Variants in MSRA observed in about 807,000 individuals in gnomAD.
MSRA encodes mitochondrial peptide methionine sulfoxide reductase.
In MSRA, 54 loss-of-function variants were observed where a neutral mutation model predicts 31.3. The observed-to-expected ratio is 1.73, with a 90% confidence interval of 1.39 to 2.17. MSRA has a LOEUF of 2.17. MSRA is among the 30% of genes most tolerant of loss of function. The probability of loss-of-function intolerance (pLI) is 0.00; values close to 1 mark genes in which losing one functional copy is unlikely to be tolerated. For synonymous variants in MSRA, 169 were observed against 116.5 expected, an observed-to-expected ratio of 1.45 and a Z score of -2.90; for missense variants, 507 against 300.9, an observed-to-expected ratio of 1.69 and a Z score of -5.07.
intron 1 of MSRA, among the ~76,000 whole-genome samples, chr8:10,174,913 G>C (rs1563182676): frequency 6.6e-6 from 1 of 152,110 alleles, no homozygotes. Context: ...CCCCAGACAG[G>C]CTGCCTTCAG....
intron 4 of MSRA, among the ~76,000 whole-genome samples, chr8:10,314,963 G>T (rs1400989074): frequency 1.3e-5 from 2 of 152,152 alleles, no homozygotes; most frequent in Non-Finnish European, 2.9e-5. Context: ...AGAAAAAGAG[G>T]TGTAATGGAC....
intron 5 of MSRA, among the ~76,000 whole-genome samples, chr8:10,398,682 CCTT>C (rs905912589): frequency 1.1e-4 from 17 of 152,244 alleles, no homozygotes; most frequent in Non-Finnish European, 4.4e-5. Flanking sequence ...TTTCCGCTCT[CCTT>C]CTTCTGGAAG....
intron 5 of MSRA, among the ~76,000 whole-genome samples, chr8:10,388,433 G>C (rs530192456): frequency 6.6e-6 from 1 of 152,202 alleles, no homozygotes; most frequent in Non-Finnish European, 1.5e-5. Context: ...TGTTTTCAGA[G>C]CTTCTCCTGT....
chr8:10,062,141 C>T (rs913829567), intron 1 of MSRA, among the ~76,000 whole-genome samples: 16 of 152,190 alleles, frequency 1.1e-4, no homozygotes, highest in Non-Finnish European at 2.4e-4. Flanking sequence ...AGCCTCTTTG[C>T]TAAGCTTGGT....
intron 3 of MSRA, among the ~76,000 whole-genome samples, chr8:10,277,297 C>G (rs1799373022): frequency 6.6e-6 from 1 of 152,100 alleles, no homozygotes; most frequent in Non-Finnish European, 1.5e-5. Context: ...TCTGATCTTC[C>G]TTCTTTATTA....
intron 5 of MSRA, among the ~76,000 whole-genome samples, chr8:10,334,437 C>CG (rs1197321733): frequency 8.0e-5 from 12 of 150,880 alleles, no homozygotes; most frequent in South Asian, 4.3e-4. Flanking sequence ...CTACCGGGGG[C>CG]GGGGGGGAGG....
intron 4 of MSRA, among the ~76,000 whole-genome samples, 181 bp downstream of exon 4, chr8:10,301,819 C>G (rs1274572687): frequency 1.3e-5 from 2 of 152,128 alleles, no homozygotes; most frequent in African/African-American, 2.4e-5. Flanking sequence ...AGAATAAAGG[C>G]ACAGCCACAT....
chr8:10,331,341 C>T (rs996863665), intron 5 of MSRA, among the ~76,000 whole-genome samples: 1 of 152,184 alleles, frequency 6.6e-6, no homozygotes, highest in Non-Finnish European at 1.5e-5. Flanking sequence ...TGACCGTGAC[C>T]TTGGAGAGGT....
At chr8:10,386,313 C>G (rs991490900) in intron 5 of MSRA, among the ~76,000 whole-genome samples, 1 of 152,070 alleles carries the variant, frequency 6.6e-6, no homozygotes, top group African/African-American at 2.4e-5. Flanking sequence ...ATTAGTTTCA[C>G]ACCAGATAAT....
chr8:10,405,161 C>G (rs930707472), intron 5 of MSRA, among the ~76,000 whole-genome samples: 3 of 152,214 alleles, frequency 2.0e-5, no homozygotes, highest in African/African-American at 7.2e-5. Context: ...ATGTCTATGC[C>G]ACAGTGACCA....
chr8:10,180,384 A>G (rs549893894), intron 1 of MSRA, among the ~76,000 whole-genome samples: 30 of 152,248 alleles, frequency 2.0e-4, no homozygotes, highest in Admixed American at 3.3e-4. Context: ...GTGTTTACCA[A>G]CCTGGAAGCT....
intron 1 of MSRA, among the ~76,000 whole-genome samples, chr8:10,136,359 A>G (rs929406550): frequency 1.3e-5 from 2 of 152,166 alleles, no homozygotes; most frequent in Non-Finnish European, 2.9e-5. Context: ...TCCTCTCAGA[A>G]GGTCTCGTTC....
chr8:10,140,948 G>A (rs954974177), intron 1 of MSRA, among the ~76,000 whole-genome samples: 6 of 152,060 alleles, frequency 3.9e-5, no homozygotes, highest in Non-Finnish European at 7.4e-5. Flanking sequence ...CAGACAAAAC[G>A]AGCCATACAC....
intron 5 of MSRA, among the ~76,000 whole-genome samples, chr8:10,405,554 T>C (rs1485351694): frequency 6.6e-6 from 1 of 152,208 alleles, no homozygotes; most frequent in Non-Finnish European, 1.5e-5. Flanking sequence ...CACTTTCCTT[T>C]CTCTGGAACT....
chr8:10,090,152 G>C (rs957811654), intron 1 of MSRA, among the ~76,000 whole-genome samples: 1 of 152,214 alleles, frequency 6.6e-6, no homozygotes, highest in South Asian at 2.1e-4. Flanking sequence ...TTAATGCAGA[G>C]GGGGCTGGCT....
intron 5 of MSRA, among the ~76,000 whole-genome samples, chr8:10,352,425 A>G (rs1406920446): frequency 6.6e-6 from 1 of 152,176 alleles, no homozygotes; most frequent in Non-Finnish European, 1.5e-5. Flanking sequence ...AGCTTGGGGC[A>G]GGGCAGCAGA....
rs780633510 is a variant in MSRA, at chr8:10,290,440, G to GA, written c.332-11083dup. Reference sequence around the variant, plus strand: ...TCCCTTACAATTCTGAGACTTTGTTGAAAAAAAAAAATGTTCTGTCCATTT... The same window carrying GA: ...TCCCTTACAATTCTGAGACTTTGTTGAAAAAAAAAAAATGTTCTGTCCATTT... On this transcript the variant is annotated intron_variant, in intron 3 of 5. Coordinates refer to ENST00000317173, the MANE Select transcript of MSRA (RefSeq NM_012331.5). Among the ~76,000 whole-genome samples the GA allele has an allele frequency of 4.4e-3, 648 of 147,392 alleles. 4 individuals are homozygous for GA. The highest frequency in any genetic ancestry group is 7.4e-3 in the Non-Finnish European group (489 of 66,460).
intron 4 of MSRA, among the ~76,000 whole-genome samples, chr8:10,317,753 T>G (rs1801809594): frequency 6.6e-6 from 1 of 152,202 alleles, no homozygotes; most frequent in Non-Finnish European, 1.5e-5. Flanking sequence ...CCTCATAGTT[T>G]TTCAAAAGCC....
intron 1 of MSRA, among the ~76,000 whole-genome samples, chr8:10,142,307 G>A (rs955480223): frequency 2.6e-5 from 4 of 151,964 alleles, no homozygotes; most frequent in Non-Finnish European, 5.9e-5. Context: ...CTAGGCCAAC[G>A]AGGTAGGTAA....
Sources: gnomAD v4.1 joint callset for allele counts (sites outside exome capture counted in the v4.1 genomes callset) on GRCh38, gnomAD v4.1.1 for gene constraint, MANE v1.5 for transcripts, NCBI Gene and HGNC (gene_info 2026-07-23, HGNC 2026-07-21) for gene names.